The following TOM1L2 variants were observed in gnomAD, a reference collection of about 807,000 sequenced individuals.
TOM1L2 encodes the protein TOM1-like protein 2.
In TOM1L2, 31 loss-of-function variants were observed where a neutral mutation model predicts 67.9. The observed-to-expected ratio is 0.46, with a 90% CI of 0.34 to 0.62. The LOEUF (loss-of-function observed/expected upper bound fraction) is 0.62, where lower values mean the gene tolerates loss of function less well. Ranked by LOEUF, TOM1L2 falls within the 20% of genes least tolerant of loss-of-function variation. TOM1L2 has a pLI of 0.01. For missense variants in TOM1L2, 606 were observed against 663.5 expected (o/e 0.91, Z 0.95); for synonymous variants, 256 against 254.0 (o/e 1.01, Z -0.07).
chr17:17,858,227 T>TTA (rs1006261152), intron 12 of TOM1L2: 6 of 17,084 alleles, frequency 3.5e-4, no homozygotes, highest in African/African-American at 2.2e-3. Context: ...TTTTCCTACA[T>TTA]TTTTTTTTTC....
intron 1 of TOM1L2, among the ~76,000 whole-genome samples, chr17:17,952,201 G>C (rs2041230489): frequency 6.6e-6 from 1 of 152,032 alleles, no homozygotes; most frequent in Non-Finnish European, 1.5e-5. Flanking sequence ...AATGTACAAT[G>C]ACATGGCAAA....
chr17:17,938,772 T>G (rs1568329837), intron 1 of TOM1L2, among the ~76,000 whole-genome samples: 1 of 151,770 alleles, frequency 6.6e-6, no homozygotes, highest in Non-Finnish European at 1.5e-5. Context: ...AAGGGTTTTT[T>G]TTTTTTTTTA....
At chr17:17,869,529 T>C in intron 7 of TOM1L2, 56 bp from the exon 8 acceptor site, 2 of 1,539,752 alleles carry the variant, frequency 1.3e-6, no homozygotes, top group South Asian at 2.4e-5. Context: ...CGTCACATTC[T>C]ATCTCCTTTG....
chr17:17,903,474 G>A (rs113663703), intron 2 of TOM1L2, among the ~76,000 whole-genome samples: 3 of 152,082 alleles, frequency 2.0e-5, no homozygotes, highest in Non-Finnish European at 2.9e-5. Flanking sequence ...TTAGCTGGGC[G>A]TGGTGGCGGG....
chr17:17,953,660 C>T (rs2041304049), intron 1 of TOM1L2, among the ~76,000 whole-genome samples: 1 of 152,186 alleles, frequency 6.6e-6, no homozygotes, highest in Non-Finnish European at 1.5e-5. Context: ...ACTGACCTGC[C>T]CCCACCAGCC....
chr17:17,954,804 G>A (rs2041359369), intron 1 of TOM1L2, among the ~76,000 whole-genome samples: 1 of 152,234 alleles, frequency 6.6e-6, no homozygotes, highest in African/African-American at 2.4e-5. Context: ...GCTGGACTAA[G>A]TTAGAGGAGG....
chr17:17,849,985 G>A, intron 13 of TOM1L2, among the ~76,000 whole-genome samples: 1 of 152,200 alleles, frequency 6.6e-6, no homozygotes, highest in East Asian at 1.9e-4. Flanking sequence ...CCCAACCTGA[G>A]GCCTGCTGTC....
chr17:17,890,966 G>A (rs1362188563), intron 4 of TOM1L2, among the ~76,000 whole-genome samples: 1 of 152,186 alleles, frequency 6.6e-6, no homozygotes, highest in Non-Finnish European at 1.5e-5. Context: ...CCTCTGCTGG[G>A]CAGCCGTTAC....
chr17:17,936,297 G>A (rs2040512567), intron 1 of TOM1L2, among the ~76,000 whole-genome samples: 1 of 152,176 alleles, frequency 6.6e-6, no homozygotes, highest in African/African-American at 2.4e-5. Context: ...CCTTCAGGAT[G>A]TGGCCTAAAA....
chr17:17,848,083 G>C (rs1272695066), intron 14 of TOM1L2, among the ~76,000 whole-genome samples: 1 of 152,194 alleles, frequency 6.6e-6, no homozygotes, highest in Non-Finnish European at 1.5e-5. Context: ...ACTGGGGGTG[G>C]GGCAGGGTAA....
intron 1 of TOM1L2, among the ~76,000 whole-genome samples, chr17:17,919,947 A>G (rs2039787601): frequency 6.6e-6 from 1 of 152,144 alleles, no homozygotes; most frequent in Non-Finnish European, 1.5e-5. Flanking sequence ...TGCAGAGAGG[A>G]GGTAGCAATA....
chr17:17,928,329 C>T (rs2040181789), intron 1 of TOM1L2, among the ~76,000 whole-genome samples: 1 of 152,156 alleles, frequency 6.6e-6, no homozygotes, highest in South Asian at 2.1e-4. Context: ...AACGAGGGTA[C>T]ATCAATAAGG....
intron 7 of TOM1L2, among the ~76,000 whole-genome samples, chr17:17,876,675 AGAG>A (rs1321152599): frequency 3.9e-5 from 6 of 152,176 alleles, no homozygotes; most frequent in Non-Finnish European, 8.8e-5. Flanking sequence ...TCCAGTCTAG[AGAG>A]GAGAAGGGGG....
chr17:17,960,204 T>C lies in TOM1L2; in HGVS notation c.52+12058A>G, dbSNP rs79662763. On this transcript the variant is annotated intron_variant, in intron 1 of 14. Coordinates refer to ENST00000379504, the MANE Select transcript of TOM1L2 (RefSeq NM_001082968.2). ...GCTACCAAGTTCATTCAGGCATTCATTCACTCAATCCCACAAACAATACTA... is the reference window on the plus strand; with the variant it reads ...GCTACCAAGTTCATTCAGGCATTCACTCACTCAATCCCACAAACAATACTA... Among the ~76,000 whole-genome samples the C allele has an allele frequency of 3.3e-5, 5 of 152,240 alleles. 1 individual carries two copies.
chr17:17,883,071 T>G (rs1315646543), intron 5 of TOM1L2, among the ~76,000 whole-genome samples: 1 of 152,202 alleles, frequency 6.6e-6, no homozygotes, highest in Non-Finnish European at 1.5e-5. Context: ...CTCCTCCCTC[T>G]ACTTACCTCT....
chr17:17,852,742 G>T (rs947030806), intron 12 of TOM1L2, among the ~76,000 whole-genome samples: 1 of 151,952 alleles, frequency 6.6e-6, no homozygotes, highest in Non-Finnish European at 1.5e-5. Flanking sequence ...GTATGCGCCT[G>T]TAGTCCCAGC....
At position 17,847,405 on chromosome 17, in the gene TOM1L2, T is replaced by C; in HGVS notation, c.*230A>G. 1.7e-6 allele frequency: 1 copy of C among 574,522 alleles called. No individual in the cohort carries two copies. The highest frequency in any genetic ancestry group is 3.3e-5 in the Admixed American group (1 of 29,966). 35.6% of individuals were successfully genotyped at this position (574,522 alleles called of 1,614,324 possible). On this transcript the variant is annotated 3_prime_UTR_variant, in exon 15 of 15. Coordinates refer to ENST00000379504, the MANE Select transcript of TOM1L2 (RefSeq NM_001082968.2). ...GAGGAAACATGGGCAGAGGGGCCCA[T>C]GGTGGGAGGGGAGAGAGTCTCTGGC...
chr17:17,895,037 C>T (rs1315017501), intron 3 of TOM1L2, among the ~76,000 whole-genome samples: 1 of 151,878 alleles, frequency 6.6e-6, no homozygotes, highest in African/African-American at 2.4e-5. Flanking sequence ...GGGGAGGTGC[C>T]CAATAACTGA....
intron 1 of TOM1L2, among the ~76,000 whole-genome samples, chr17:17,908,541 T>A (rs1277950063): frequency 6.6e-6 from 1 of 152,132 alleles, no homozygotes; most frequent in Admixed American, 6.5e-5. Flanking sequence ...ATATATATGA[T>A]AAGGGGTTAA....
Sources: allele counts gnomAD v4.1 joint callset (sites outside exome capture counted in the v4.1 genomes callset), GRCh38; gene constraint gnomAD v4.1.1; transcripts MANE v1.5; gene names NCBI Gene and HGNC (gene_info 2026-07-23, HGNC 2026-07-21).